Variants in VPS41 observed in about 807,000 individuals in gnomAD.
VPS41 encodes vacuolar protein sorting-associated protein 41 homolog.
A neutral mutation model predicts 130.9 loss-of-function variants in VPS41; 85 were observed. That is an observed-to-expected ratio of 0.65 (90% CI 0.55 to 0.78). The LOEUF (loss-of-function observed/expected upper bound fraction) is 0.78. Among genes scored for constraint, VPS41 ranks in the 30% least tolerant of loss-of-function variants. The pLI, the probability that VPS41 is intolerant of heterozygous loss-of-function variation, is 0.00. For synonymous variants in VPS41, 335 were observed against 332.9 expected, an observed-to-expected ratio of 1.01 and a Z score of -0.07; for missense variants, 874 against 1,018.7, an observed-to-expected ratio of 0.86 and a Z score of 1.93.
chr7:38,756,861 A>G lies in VPS41; in HGVS notation c.1672T>C (p.Leu558=). 1 of 1,582,896 alleles carries G rather than the reference A, an allele frequency of 6.3e-7. No homozygotes were observed. Among genetic ancestry groups the G allele is most frequent in the Non-Finnish European group, 8.6e-7 (1 of 1,160,400 alleles). Residue 558 remains leucine (L), a synonymous_variant, in exon 19 of 29, where the codon TTA becomes CTA. Coordinates refer to ENST00000310301, the MANE Select transcript of VPS41 (RefSeq NM_014396.4). ...LFSSIKDKIV[L]LMDFDSEKAV... ...ACCTCTGAATCAAAATCCATTAATA[A>G]AACAATTTTATCCTTGATAGAACTG...
chr7:38,735,501 G>C (rs1365690795), intron 25 of VPS41, among the ~76,000 whole-genome samples: 1 of 152,088 alleles, frequency 6.6e-6, no homozygotes, highest in Non-Finnish European at 1.5e-5. Context: ...GTGTGTCTCT[G>C]TGTGTGTACA....
chr7:38,837,859 T>C (rs187648579), intron 4 of VPS41, among the ~76,000 whole-genome samples: 166 of 152,304 alleles, frequency 1.1e-3, no homozygotes, highest in Non-Finnish European at 1.6e-3. Context: ...TTACTAGATT[T>C]CTACAAAAAA....
chr7:38,904,710 A>G (rs1309910000), intron 1 of VPS41, among the ~76,000 whole-genome samples: 2 of 152,202 alleles, frequency 1.3e-5, no homozygotes, highest in Non-Finnish European at 2.9e-5. Flanking sequence ...ATTTGTATTG[A>G]TTTGATTTTT....
At chr7:38,754,814 A>T in intron 20 of VPS41, 62 bp from the exon 21 acceptor site, 1 of 1,588,232 alleles carries the variant, frequency 6.3e-7, no homozygotes, top group Non-Finnish European at 8.6e-7. Context: ...CTACAAAATT[A>T]TCTGATAAAC....
chr7:38,875,770 A>T (rs944670140), intron 2 of VPS41, among the ~76,000 whole-genome samples: 3 of 152,262 alleles, frequency 2.0e-5, no homozygotes, highest in Non-Finnish European at 4.4e-5. Context: ...CCTTTCCATC[A>T]GACTGCTGAG....
intron 19 of VPS41, among the ~76,000 whole-genome samples, chr7:38,755,431 A>C (rs2115725066): frequency 1.3e-5 from 2 of 152,316 alleles, no homozygotes; most frequent in Admixed American, 1.3e-4. Context: ...GAGATACCTG[A>C]AGTTTCATAA....
intron 21 of VPS41, among the ~76,000 whole-genome samples, chr7:38,753,874 A>C (rs1783732725): frequency 6.6e-6 from 1 of 152,112 alleles, no homozygotes; most frequent in Non-Finnish European, 1.5e-5. Context: ...CAAAGCAGAA[A>C]ACTGACTTTT....
intron 1 of VPS41, among the ~76,000 whole-genome samples, chr7:38,901,508 C>A (rs1562630208): frequency 6.6e-6 from 1 of 152,084 alleles, no homozygotes; most frequent in Non-Finnish European, 1.5e-5. Context: ...CAAAAGAGGG[C>A]AATGGGGAGG....
chr7:38,894,460 G>A (rs992917447), intron 2 of VPS41, among the ~76,000 whole-genome samples: 1 of 150,132 alleles, frequency 6.7e-6, no homozygotes, highest in Non-Finnish European at 1.5e-5. Flanking sequence ...GGGTTGGGGG[G>A]AAGTGGGGGA....
intron 2 of VPS41, among the ~76,000 whole-genome samples, chr7:38,879,011 A>G (rs770807639): frequency 2.0e-5 from 3 of 152,252 alleles, no homozygotes; most frequent in Non-Finnish European, 4.4e-5. Flanking sequence ...TGAAGACAGT[A>G]TGACTAGAAA....
At position 38,763,879 on chromosome 7, in the gene VPS41, G is replaced by A. The variant is rs1169813071; in HGVS notation, c.1330-332C>T. On this transcript the variant is annotated intron_variant, in intron 16 of 28. Coordinates refer to ENST00000310301, the MANE Select transcript of VPS41 (RefSeq NM_014396.4). ...AAAAAAGTCGACTTCTTAAGTAATC[G>A]AGGAGTACAGGTAATCTATTCATCT... 4.6e-5 allele frequency among the ~76,000 whole-genome samples: 7 copies of A among 152,136 alleles called. No homozygotes were observed. In the South Asian group the frequency reaches 6.2e-4, roughly 14 times the overall value.
intron 16 of VPS41, among the ~76,000 whole-genome samples, chr7:38,764,083 G>A (rs1783977545): frequency 6.6e-6 from 1 of 152,088 alleles, no homozygotes; most frequent in South Asian, 2.1e-4. Context: ...TTTTTACTGG[G>A]GACAGACAGA....
intron 25 of VPS41, among the ~76,000 whole-genome samples, chr7:38,739,895 G>GT (rs1795849742): frequency 6.6e-6 from 1 of 152,182 alleles, no homozygotes; most frequent in Non-Finnish European, 1.5e-5. Context: ...AGCTTCTTTA[G>GT]TAGATATTTT....
chr7:38,878,514 TTC>T (rs1295915195), intron 2 of VPS41, among the ~76,000 whole-genome samples: 12 of 152,152 alleles, frequency 7.9e-5, no homozygotes, highest in Admixed American at 3.9e-4. Context: ...ATACATAAAA[TTC>T]TGTCATCTCA....
chr7:38,831,817 G>T (rs976495306), intron 4 of VPS41, among the ~76,000 whole-genome samples: 3 of 152,160 alleles, frequency 2.0e-5, no homozygotes, highest in Non-Finnish European at 4.4e-5. Context: ...GCTACTAAGG[G>T]CTATGTATGT....
intron 2 of VPS41, among the ~76,000 whole-genome samples, chr7:38,891,715 T>C (rs1786872305): frequency 6.6e-6 from 1 of 152,218 alleles, no homozygotes; most frequent in African/African-American, 2.4e-5. Flanking sequence ...GACATATGAA[T>C]ATTTTCTTTA....
At chr7:38,729,928 A>AT (rs537313492) in intron 25 of VPS41, among the ~76,000 whole-genome samples, 148 of 151,500 alleles carry the variant, frequency 9.8e-4, no homozygotes, top group Non-Finnish European at 1.9e-3. Context: ...TATTATTATT[A>AT]TTTTTTTTTA....
At chr7:38,756,309 C>T (rs569057047) in intron 19 of VPS41, among the ~76,000 whole-genome samples, 1 of 151,128 alleles carries the variant, frequency 6.6e-6, no homozygotes, top group Non-Finnish European at 1.5e-5. Context: ...CATTAGGGGG[C>T]GTAAATTTAT....
Position 38,869,202 on chromosome 7 carries a change from C to G in VPS41, c.112G>C (p.Gly38Arg). Residue 38 changes from glycine (G) to arginine (R), a missense_variant, in exon 3 of 29, where the codon GGG becomes CGG. Transcript: ENST00000310301. ...TCCTTCTGAAGTATTTCAGTTACCC[C>G]ATTGGAAAGCCTTTCATACTTCAGC... ...PKLKYERLSN[G>R]VTEILQKDAA... is the part of the protein sequence containing the mutation. 1 of 1,612,764 alleles carries G rather than the reference C, an allele frequency of 6.2e-7. No homozygotes were observed. The highest frequency in any genetic ancestry group is 1.3e-5 in the African/African-American group (1 of 75,040).
Sources: gnomAD v4.1 joint callset for allele counts (sites outside exome capture counted in the v4.1 genomes callset) on GRCh38, gnomAD v4.1.1 for gene constraint, MANE v1.5 for transcripts, NCBI Gene and HGNC (gene_info 2026-07-23, HGNC 2026-07-21) for gene names.